CDCP1: variants seen among roughly 807,000 people sequenced by gnomAD.
CDCP1 encodes the protein CUB domain-containing protein 1.
A neutral mutation model predicts 60.2 loss-of-function variants in CDCP1; 29 were observed. The observed-to-expected ratio is 0.48, with a 90% confidence interval of 0.36 to 0.66. The LOEUF (loss-of-function observed/expected upper bound fraction) is 0.66. CDCP1 is among the 30% of genes least tolerant of loss of function. CDCP1 has a pLI of 0.00. For synonymous variants in CDCP1, 387 were observed against 431.1 expected (o/e 0.90, Z 1.27); for missense variants, 876 against 1,074.3 (o/e 0.82, Z 2.58).
At position 45,103,856 on chromosome 3, in the gene CDCP1, C is replaced by T. The variant is rs116212793; in HGVS notation, c.1024+6617G>A. 1.5e-3 allele frequency among the ~76,000 whole-genome samples: 232 copies of T among 152,340 alleles called. 1 individual carries two copies. Among genetic ancestry groups the T allele is most frequent in the East Asian group, 8.7e-3 (45 of 5,190 alleles). On this transcript the variant is annotated intron_variant, in intron 4 of 8. Coordinates refer to ENST00000296129, the MANE Select transcript of CDCP1 (RefSeq NM_022842.5). ...TCTTGGACTTTCCAGTCACCAGAAT[C>T]GTGAGCCAAATAAATCTCTTTTCTT...
intron 2 of CDCP1, among the ~76,000 whole-genome samples, chr3:45,114,128 G>C (rs1698745146): frequency 6.6e-6 from 1 of 152,168 alleles, no homozygotes; most frequent in African/African-American, 2.4e-5. Context: ...GAGTCAAAAA[G>C]CCCCATCTCC....
intron 1 of CDCP1, among the ~76,000 whole-genome samples, chr3:45,124,337 G>A (rs531631361): frequency 1.3e-5 from 2 of 152,316 alleles, no homozygotes; most frequent in South Asian, 2.1e-4. Flanking sequence ...ATTTGTAGAC[G>A]AATTGGAACA....
At chr3:45,110,993 C>T in intron 3 of CDCP1, 152 bp from the exon 4 acceptor site, 1 of 886,056 alleles carries the variant, frequency 1.1e-6, no homozygotes, top group Non-Finnish European at 1.7e-6. Context: ...GGACTCAAGG[C>T]AGAGATTGGG....
intron 2 of CDCP1, among the ~76,000 whole-genome samples, chr3:45,117,178 T>C (rs1698806809): frequency 6.6e-6 from 1 of 152,214 alleles, no homozygotes; most frequent in African/African-American, 2.4e-5. Flanking sequence ...CTTATTCTTG[T>C]TAATACATCT....
At chr3:45,105,527 A>G (rs1215145313) in intron 4 of CDCP1, among the ~76,000 whole-genome samples, 1 of 152,204 alleles carries the variant, frequency 6.6e-6, no homozygotes, top group African/African-American at 2.4e-5. Context: ...TATGTGACTC[A>G]TGATCACCCA....
At chr3:45,109,011 C>A (rs561374566) in intron 4 of CDCP1, among the ~76,000 whole-genome samples, 14 of 141,226 alleles carry the variant, frequency 9.9e-5, no homozygotes, top group Non-Finnish European at 1.4e-4. Flanking sequence ...GTGCAGTGGC[C>A]CAATCTCGGT....
intron 4 of CDCP1, among the ~76,000 whole-genome samples, chr3:45,109,993 T>C (rs1268932467): frequency 6.6e-6 from 1 of 152,102 alleles, no homozygotes; most frequent in Non-Finnish European, 1.5e-5. Flanking sequence ...CATTAGTAAA[T>C]AAAGATAATT....
At chr3:45,107,688 G>A (rs1698591550) in intron 4 of CDCP1, among the ~76,000 whole-genome samples, 1 of 152,220 alleles carries the variant, frequency 6.6e-6, no homozygotes, top group Admixed American at 6.5e-5. Flanking sequence ...AAGAGGTGAA[G>A]TGACTTGCCC....
intron 1 of CDCP1, among the ~76,000 whole-genome samples, chr3:45,144,403 T>C (rs1435559812): frequency 6.6e-6 from 1 of 152,170 alleles, no homozygotes; most frequent in Non-Finnish European, 1.5e-5. Flanking sequence ...TTCAGCCTGA[T>C]GTACCCTCAA....
intron 1 of CDCP1, among the ~76,000 whole-genome samples, chr3:45,144,600 C>T (rs1165909351): frequency 6.6e-6 from 1 of 152,106 alleles, no homozygotes; most frequent in Non-Finnish European, 1.5e-5. Flanking sequence ...GAAATGAGAC[C>T]AGGAACAGAG....
chr3:45,109,728 C>G (rs920997467), intron 4 of CDCP1, among the ~76,000 whole-genome samples: 1 of 151,914 alleles, frequency 6.6e-6, no homozygotes, highest in African/African-American at 2.4e-5. Flanking sequence ...GGTACATGAC[C>G]CTGAGAGTGG....
rs1404338188 is a variant in CDCP1 at position 45,091,342 on chromosome 3, G to T, written c.1824C>A (p.Ile608=). 1.9e-6 allele frequency: 3 copies of T among 1,614,050 alleles called. No individual in the cohort carries two copies. The highest frequency in any genetic ancestry group is 1.7e-5 in the Admixed American group (1 of 60,008). ...VCQTGRAFMI[I]QEQRTRAEEI... is the part of the protein sequence containing the mutation. Reference sequence around the variant, plus strand: ...CCTCAGCCCGGGTCCGCTGCTCCTGGATGATCATGAATGCGCGCCCTGTCT... The same window carrying T: ...CCTCAGCCCGGGTCCGCTGCTCCTGTATGATCATGAATGCGCGCCCTGTCT... The change falls in exon 7 of 9, where the codon ATC becomes ATA. Residue 608 remains isoleucine (I), a synonymous_variant. Transcript: ENST00000296129. The surrounding 1 kb of genome is among the most constrained non-coding windows in gnomAD (Gnocchi z 4.8).
At chr3:45,111,750 A>C (rs530939882) in intron 3 of CDCP1, among the ~76,000 whole-genome samples, 1 of 152,374 alleles carries the variant, frequency 6.6e-6, no homozygotes, top group South Asian at 2.1e-4. Flanking sequence ...CACATCACTG[A>C]TACGTTTACA....
chr3:45,102,074 A>G (rs1466920213), intron 4 of CDCP1, among the ~76,000 whole-genome samples: 2 of 151,984 alleles, frequency 1.3e-5, no homozygotes, highest in African/African-American at 4.8e-5. Flanking sequence ...TGTTTTTATT[A>G]TCTTCATTTT....
chr3:45,135,439 G>A (rs943161664), intron 1 of CDCP1, among the ~76,000 whole-genome samples: 5 of 152,124 alleles, frequency 3.3e-5, no homozygotes, highest in South Asian at 2.1e-4. Context: ...AGGAGGCTTC[G>A]AACAAAACCC....
At chr3:45,143,003 G>C (rs979917045) in intron 1 of CDCP1, among the ~76,000 whole-genome samples, 1 of 152,214 alleles carries the variant, frequency 6.6e-6, no homozygotes, top group African/African-American at 2.4e-5. Flanking sequence ...AGGAGTTTGA[G>C]ACGAGCCTGG....
intron 1 of CDCP1, among the ~76,000 whole-genome samples, chr3:45,132,158 C>A (rs1699110422): frequency 6.6e-6 from 1 of 151,868 alleles, no homozygotes; most frequent in African/African-American, 2.4e-5. Context: ...ATCACTTGAG[C>A]CCCGGAGGCA....
At chr3:45,124,205 C>G (rs1254753533) in intron 1 of CDCP1, among the ~76,000 whole-genome samples, 1 of 152,182 alleles carries the variant, frequency 6.6e-6, no homozygotes, top group East Asian at 1.9e-4. Flanking sequence ...ATTCTCGATT[C>G]TAGTAAGGGA....
At chr3:45,110,928 G>A in intron 3 of CDCP1, 87 bp from the exon 4 acceptor site, 1 of 1,427,218 alleles carries the variant, frequency 7.0e-7, no homozygotes, top group Non-Finnish European at 9.5e-7. Context: ...GGGGGTGTAG[G>A]AAAAATGACT....
Sources: gnomAD v4.1 joint callset for allele counts (sites outside exome capture counted in the v4.1 genomes callset) on GRCh38, gnomAD v4.1.1 for gene constraint, Gnocchi (gnomAD v3.1) non-coding constraint, MANE v1.5 for transcripts, NCBI Gene and HGNC (gene_info 2026-07-23, HGNC 2026-07-21) for gene names.